Variants in SLC14A2 observed in about 807,000 individuals in gnomAD.
The protein encoded by SLC14A2 is solute carrier family 14 member 2, also known as urea transporter 2.
SLC14A2 carries 91 observed loss-of-function variants against 104.6 expected under a neutral mutation model. The ratio of observed to expected loss-of-function variants is 0.87; its 90% CI spans 0.73 to 1.04. The LOEUF is 1.04. SLC14A2 is among the 50% of genes least tolerant of loss of function. The pLI, the probability that SLC14A2 is intolerant of heterozygous loss-of-function variation, is 0.00. For missense variants in SLC14A2, 1,189 were observed against 1,156.0 expected, an observed-to-expected ratio of 1.03 and a Z score of -0.41; for synonymous variants, 476 against 466.4, an observed-to-expected ratio of 1.02 and a Z score of -0.27.
chr18:45,193,602 T>A, the SLC14A2 span, among the ~76,000 whole-genome samples: 2 of 152,210 alleles, frequency 1.3e-5, no homozygotes, highest in Non-Finnish European at 2.9e-5. Context: ...AGCACACTGT[T>A]TTAATTACTG....
chr18:45,586,274 A>AAC (rs891636776), intron 2 of SLC14A2, among the ~76,000 whole-genome samples: 17 of 152,290 alleles, frequency 1.1e-4, no homozygotes, highest in Non-Finnish European at 1.8e-4. Flanking sequence ...CACACCCGGA[A>AAC]ACAATCAGTG....
At chr18:45,194,988 A>G in the SLC14A2 span, among the ~76,000 whole-genome samples, 1 of 151,934 alleles carries the variant, frequency 6.6e-6, no homozygotes, top group Non-Finnish European at 1.5e-5. Context: ...GATCTCCCTT[A>G]CCTGGCTTCA....
chr18:45,399,768 A>T (rs2086075452), intron 1 of SLC14A2, among the ~76,000 whole-genome samples: 1 of 152,148 alleles, frequency 6.6e-6, no homozygotes, highest in South Asian at 2.1e-4. Context: ...TGGTGAGATT[A>T]CATTTGGAGT....
chr18:45,387,331 A>G (rs2085908733), intron 1 of SLC14A2, among the ~76,000 whole-genome samples: 1 of 152,212 alleles, frequency 6.6e-6, no homozygotes, highest in South Asian at 2.1e-4. Flanking sequence ...AATTAATTCT[A>G]TGCCCTGCCC....
chr18:45,209,043 AAC>A (rs1401633271), upstream of SLC14A2, among the ~76,000 whole-genome samples: 42 of 139,756 alleles, frequency 3.0e-4, no homozygotes, highest in African/African-American at 1.2e-3. Context: ...AAAAAAAAAC[AAC>A]AACAACTGTG....
chr18:45,297,706 AATTGTTAAAC>A (rs2084930530), intron 1 of SLC14A2, among the ~76,000 whole-genome samples: 1 of 152,218 alleles, frequency 6.6e-6, no homozygotes, highest in Admixed American at 6.5e-5. Flanking sequence ...CTAAACTTTA[AATTGTTAAAC>A]ATGTTAGAGT....
At chr18:45,378,370 G>C (rs569401383) in intron 1 of SLC14A2, among the ~76,000 whole-genome samples, 1 of 152,156 alleles carries the variant, frequency 6.6e-6, no homozygotes, top group Non-Finnish European at 1.5e-5. Context: ...GAATCTATGA[G>C]CTGTTATAGC....
intron 2 of SLC14A2, chr18:45,485,168 G>A (rs2144710232): frequency 6.6e-6 from 1 of 152,298 alleles, no homozygotes; most frequent in Non-Finnish European, 1.5e-5. Flanking sequence ...CCCTCAAGGA[G>A]ACCAAGGGAT....
chr18:45,253,349 G>A (rs2084442786), intron 1 of SLC14A2, among the ~76,000 whole-genome samples: 1 of 152,150 alleles, frequency 6.6e-6, no homozygotes, highest in Non-Finnish European at 1.5e-5. Flanking sequence ...GTGGACGAAG[G>A]ACGGAATGCA....
At chr18:45,418,187 G>T (rs549624147) in intron 1 of SLC14A2, among the ~76,000 whole-genome samples, 7 of 152,248 alleles carry the variant, frequency 4.6e-5, no homozygotes, top group Non-Finnish European at 4.4e-5. Context: ...CAAGGACACT[G>T]CTAGGTGTGT....
intron 2 of SLC14A2, among the ~76,000 whole-genome samples, chr18:45,569,184 G>C (rs2044310754): frequency 6.6e-6 from 1 of 152,130 alleles, no homozygotes; most frequent in South Asian, 2.1e-4. Flanking sequence ...TCAACACAGA[G>C]CTTCAATCTT....
intron 2 of SLC14A2, among the ~76,000 whole-genome samples, chr18:45,592,918 T>A (rs2044668658): frequency 6.6e-6 from 1 of 152,188 alleles, no homozygotes; most frequent in African/African-American, 2.4e-5. Context: ...AATCAGACAC[T>A]CTCTGGATTT....
At chr18:45,428,049 T>C (rs560004178) in intron 1 of SLC14A2, among the ~76,000 whole-genome samples, 1 of 152,310 alleles carries the variant, frequency 6.6e-6, no homozygotes, top group Admixed American at 6.5e-5. Flanking sequence ...GCAAGTCTGC[T>C]TGGACTGAAG....
chr18:45,661,203 C>A (rs1271616627), intron 10 of SLC14A2, among the ~76,000 whole-genome samples: 1 of 152,194 alleles, frequency 6.6e-6, no homozygotes, highest in Non-Finnish European at 1.5e-5. Flanking sequence ...CAAAGACCTT[C>A]CATCAGCAAG....
intron 2 of SLC14A2, among the ~76,000 whole-genome samples, chr18:45,494,349 C>T (rs973363960): frequency 8.5e-5 from 13 of 152,148 alleles, no homozygotes; most frequent in African/African-American, 1.9e-4. Flanking sequence ...CAAGAAGTGC[C>T]GCTTCTTCTC....
At chr18:45,624,252 C>T (rs539768305) in intron 1 of SLC14A2, among the ~76,000 whole-genome samples, 3 of 152,160 alleles carry the variant, frequency 2.0e-5, no homozygotes, top group Non-Finnish European at 4.4e-5. Flanking sequence ...CACCTCCAAT[C>T]AGTACTGGAT....
intron 4 of SLC14A2, among the ~76,000 whole-genome samples, chr18:45,628,000 C>CAAAA (rs58009345): frequency 2.4e-5 from 2 of 83,610 alleles, no homozygotes; most frequent in Non-Finnish European, 5.0e-5. Context: ...AAGACTTTCT[C>CAAAA]AAAAAAAAAA....
intron 2 of SLC14A2, among the ~76,000 whole-genome samples, chr18:45,588,582 G>A (rs949811656): frequency 6.6e-6 from 1 of 152,216 alleles, no homozygotes; most frequent in Non-Finnish European, 1.5e-5. Flanking sequence ...GAGGTAGGGT[G>A]CAGCTGCCAG....
chr18:45,492,922 C>T (rs1377164274), intron 2 of SLC14A2: 1 of 152,132 alleles, frequency 6.6e-6, no homozygotes, highest in Non-Finnish European at 1.5e-5. Context: ...ATCTTGAAGC[C>T]CTTGTCTACT....
Sources: allele counts gnomAD v4.1 joint callset (sites outside exome capture counted in the v4.1 genomes callset), GRCh38; gene constraint gnomAD v4.1.1; transcripts MANE v1.5; gene names NCBI Gene and HGNC (gene_info 2026-07-23, HGNC 2026-07-21).